Variants in ANXA8 observed in about 807,000 individuals in gnomAD.
The protein encoded by ANXA8 is annexin A8.
Under a neutral mutation model 26.8 loss-of-function variants are expected in ANXA8, and 9 were observed. That is an observed-to-expected ratio of 0.34 (90% CI 0.20 to 0.59). ANXA8 has a LOEUF of 0.59. ANXA8 is among the 20% of genes least tolerant of loss of function. ANXA8 has a pLI of 0.84. For synonymous variants in ANXA8, 39 were observed against 94.8 expected, an observed-to-expected ratio of 0.41 and a Z score of 3.42; for missense variants, 83 against 238.5, an observed-to-expected ratio of 0.35 and a Z score of 4.29.
chr10:47,744,167 C>G, the ANXA8 span, among the ~76,000 whole-genome samples: 5 of 148,406 alleles, frequency 3.4e-5, no homozygotes, highest in East Asian at 1.1e-3. Flanking sequence ...CCGGCAGGAG[C>G]GGCTCTCACA....
the ANXA8 span, chr10:47,502,516 T>C: frequency 3.7e-6 from 6 of 1,613,112 alleles, no homozygotes; most frequent in Non-Finnish European, 5.1e-6. Context: ...GTTGGCTAGC[T>C]CATTGCCAAT....
At chr10:47,920,269 C>T in the ANXA8 span, among the ~76,000 whole-genome samples, 1 of 93,490 alleles carries the variant, frequency 1.1e-5, no homozygotes, top group Non-Finnish European at 2.0e-5. Context: ...CAGAGTCTCG[C>T]TCTGTTGCCC....
the ANXA8 span, among the ~76,000 whole-genome samples, chr10:47,668,548 T>A: frequency 6.6e-6 from 1 of 151,804 alleles, no homozygotes; most frequent in Non-Finnish European, 1.5e-5. Context: ...GATTACAGTG[T>A]AGTATCTTCT....
At chr10:47,743,378 A>ATATGTGTG in the ANXA8 span, among the ~76,000 whole-genome samples, 45 of 59,768 alleles carry the variant, frequency 7.5e-4, no homozygotes, top group South Asian at 4.9e-3. Context: ...ATACATATAT[A>ATATGTGTG]TGTGTGTGTG....
the ANXA8 span, among the ~76,000 whole-genome samples, chr10:47,570,881 A>T: frequency 6.7e-6 from 1 of 148,718 alleles, no homozygotes; most frequent in African/African-American, 2.5e-5. Flanking sequence ...AGTATAGGTA[A>T]CTCTAAAACT....
chr10:47,724,473 C>T, the ANXA8 span, among the ~76,000 whole-genome samples: 2 of 141,400 alleles, frequency 1.4e-5, no homozygotes, highest in Non-Finnish European at 3.1e-5. Flanking sequence ...GTTCTTCAGA[C>T]ATTTTGATTT....
At chr10:47,552,608 A>T in the ANXA8 span, among the ~76,000 whole-genome samples, 1 of 151,846 alleles carries the variant, frequency 6.6e-6, no homozygotes, top group African/African-American at 2.4e-5. Context: ...ATGCCTGGAG[A>T]CCCCATGGAC....
the ANXA8 span, among the ~76,000 whole-genome samples, chr10:47,655,372 C>G: frequency 1.2e-4 from 18 of 151,420 alleles, no homozygotes; most frequent in African/African-American, 4.4e-4. Flanking sequence ...TTTCCTCCTT[C>G]TCTCAGGGCT....
the ANXA8 span, among the ~76,000 whole-genome samples, chr10:47,937,814 TCATGTTCCTGTAAAGGA>T: frequency 6.9e-6 from 1 of 145,050 alleles, no homozygotes; most frequent in East Asian, 2.1e-4. Context: ...AAGAACAAGA[TCATGTTCCTGTAAAGGA>T]CATGTTCCTG....
At chr10:47,560,534 T>G in the ANXA8 span, among the ~76,000 whole-genome samples, 2 of 151,820 alleles carry the variant, frequency 1.3e-5, no homozygotes, top group African/African-American at 4.9e-5. Context: ...TACATGCCAT[T>G]GCTTTGTAAT....
the ANXA8 span, among the ~76,000 whole-genome samples, chr10:47,684,595 A>AT: frequency 6.6e-6 from 1 of 151,220 alleles, no homozygotes; most frequent in African/African-American, 2.4e-5. Flanking sequence ...TTTTTTTGAG[A>AT]TTTTTTTTGA....
the ANXA8 span, among the ~76,000 whole-genome samples, chr10:47,741,839 A>ATT: frequency 1.8e-3 from 216 of 123,182 alleles, 3 homozygotes; most frequent in East Asian, 7.9e-3. Context: ...ATAAACAGGG[A>ATT]TTTTTTTTTT....
the ANXA8 span, among the ~76,000 whole-genome samples, chr10:47,955,296 GC>G: frequency 6.8e-6 from 1 of 146,428 alleles, no homozygotes. Context: ...TTTGTAAATT[GC>G]CCAGTCTTGG....
At chr10:47,611,988 T>C in the ANXA8 span, among the ~76,000 whole-genome samples, 64 of 73,718 alleles carry the variant, frequency 8.7e-4, 10 homozygotes, top group Middle Eastern at 0.011. Context: ...GTATTATTCT[T>C]TTATTCTTTA....
the ANXA8 span, among the ~76,000 whole-genome samples, chr10:47,945,206 G>C: frequency 6.7e-6 from 1 of 149,954 alleles, no homozygotes; most frequent in Admixed American, 6.6e-5. Flanking sequence ...TTGCTGGACT[G>C]TTGTCCACTT....
At chr10:47,981,898 T>C in the ANXA8 span, among the ~76,000 whole-genome samples, 8 of 152,220 alleles carry the variant, frequency 5.3e-5, no homozygotes, top group African/African-American at 1.2e-4. Context: ...GATTGAAAGA[T>C]TGTGTGCCTT....
chr10:47,955,439 C>A, the ANXA8 span, among the ~76,000 whole-genome samples: 2 of 149,114 alleles, frequency 1.3e-5, no homozygotes, highest in African/African-American at 4.9e-5. Context: ...TTACACAAAC[C>A]TAAATGGTAC....
chr10:47,562,143 A>G, the ANXA8 span, among the ~76,000 whole-genome samples: 1 of 151,918 alleles, frequency 6.6e-6, no homozygotes, highest in South Asian at 2.1e-4. Context: ...AAGTATGTTC[A>G]GCTTAGAATA....
At chr10:47,947,843 G>GT in the ANXA8 span, among the ~76,000 whole-genome samples, 1 of 150,650 alleles carries the variant, frequency 6.6e-6, no homozygotes, top group East Asian at 2.0e-4. Context: ...CCATGGATCT[G>GT]TTATAAAAAT....
Sources: gnomAD v4.1 joint callset for allele counts (sites outside exome capture counted in the v4.1 genomes callset) on GRCh38, gnomAD v4.1.1 for gene constraint, MANE v1.5 for transcripts, NCBI Gene and HGNC (gene_info 2026-07-23, HGNC 2026-07-21) for gene names.